ADAMTS18: variants seen among roughly 807,000 people sequenced by gnomAD.
ADAMTS18 encodes A disintegrin and metalloproteinase with thrombospondin motifs 18.
A neutral mutation model predicts 165.9 loss-of-function variants in ADAMTS18; 157 were observed. That is an observed-to-expected ratio of 0.95 (90% CI 0.83 to 1.08). The LOEUF (loss-of-function observed/expected upper bound fraction) is 1.08. ADAMTS18 is among the 50% of genes least tolerant of loss of function. ADAMTS18 has a pLI of 0.00. For synonymous variants in ADAMTS18, 782 were observed against 578.2 expected (o/e 1.35, Z -5.06); for missense variants, 2,040 against 1,534.0 (o/e 1.33, Z -5.51).
chr16:77,364,733 A>AAGG (rs2056767336), intron 4 of ADAMTS18, among the ~76,000 whole-genome samples: 1 of 130,464 alleles, frequency 7.7e-6, no homozygotes, highest in African/African-American at 3.0e-5. Context: ...AAGGAAAAAA[A>AAGG]AAGAAAGAAA....
At chr16:77,388,945 C>T (rs2057147395) in intron 3 of ADAMTS18, among the ~76,000 whole-genome samples, 1 of 152,144 alleles carries the variant, frequency 6.6e-6, no homozygotes, top group African/African-American at 2.4e-5. Flanking sequence ...AAGCTGGCAG[C>T]AGTCAACTAA....
chr16:77,337,081 C>T (rs1213458868), intron 11 of ADAMTS18, among the ~76,000 whole-genome samples: 1 of 152,234 alleles, frequency 6.6e-6, no homozygotes, highest in Non-Finnish European at 1.5e-5. Flanking sequence ...ATATTGCTTC[C>T]TTTCTTCAAA....
intron 3 of ADAMTS18, among the ~76,000 whole-genome samples, chr16:77,427,874 A>G (rs2057693018): frequency 6.6e-6 from 1 of 152,238 alleles, no homozygotes; most frequent in Non-Finnish European, 1.5e-5. Context: ...GTCTGCTAGC[A>G]AAATTTTAGC....
At chr16:77,298,482 C>T (rs2055517848) in intron 17 of ADAMTS18, among the ~76,000 whole-genome samples, 1 of 152,110 alleles carries the variant, frequency 6.6e-6, no homozygotes, top group East Asian at 1.9e-4. Context: ...GGTTTGCTTT[C>T]AGGAGGCACT....
chr16:77,357,015 G>A (rs1440187972), intron 8 of ADAMTS18, among the ~76,000 whole-genome samples: 1 of 146,502 alleles, frequency 6.8e-6, no homozygotes, highest in Non-Finnish European at 1.5e-5. Context: ...TTTTAGGGAT[G>A]CAGAGGACGG....
At chr16:77,385,384 G>C (rs1033086624) in intron 3 of ADAMTS18, among the ~76,000 whole-genome samples, 2 of 152,310 alleles carry the variant, frequency 1.3e-5, no homozygotes, top group South Asian at 2.1e-4. Flanking sequence ...AGAAGGAATA[G>C]TTGACTTGTA....
chr16:77,287,247 G>T (rs541725511), intron 22 of ADAMTS18, among the ~76,000 whole-genome samples: 1 of 152,068 alleles, frequency 6.6e-6, no homozygotes, highest in African/African-American at 2.4e-5. Context: ...GTCACCATGC[G>T]CCTCCTTACT....
chr16:77,408,501 A>G (rs2057420232), intron 3 of ADAMTS18, among the ~76,000 whole-genome samples: 1 of 152,204 alleles, frequency 6.6e-6, no homozygotes, highest in Non-Finnish European at 1.5e-5. Flanking sequence ...TCATGAGGTG[A>G]GATACTTTGA....
In ADAMTS18 at chr16:77,321,338, C is replaced by G. The variant is rs1381408202; in HGVS notation, c.2164-136G>C. 40 of 1,208,880 alleles carry G rather than the reference C, an allele frequency of 3.3e-5. No individual in the cohort carries two copies. The Admixed American group carries it at 8.3e-4, about 25-fold the overall frequency. 74.9% of individuals were successfully genotyped at this position (1,208,880 alleles called of 1,614,324 possible). On this transcript the variant is annotated intron_variant, in intron 14 of 22. Transcript: ENST00000282849. ...ACAGCTTATGGTTAAAAATCACAGC[C>G]TCAAGTTGGACTCACTTGGGGTTCA... is the stretch of plus-strand genomic sequence containing the variant.
At chr16:77,291,013 T>C in intron 21 of ADAMTS18, 1 of 440,346 alleles carries the variant, frequency 2.3e-6, no homozygotes, top group Admixed American at 4.7e-5. Context: ...TGGTAAGTGT[T>C]TTACATACAT....
chr16:77,377,870 G>C (rs1051971257), intron 3 of ADAMTS18, among the ~76,000 whole-genome samples: 6 of 152,074 alleles, frequency 3.9e-5, no homozygotes, highest in African/African-American at 1.4e-4. Flanking sequence ...TTCAGAATAA[G>C]GGAAAGACTT....
intron 22 of ADAMTS18, among the ~76,000 whole-genome samples, chr16:77,287,164 G>GTGCCTAGCAGAGTACC (rs2055269990): frequency 6.6e-6 from 1 of 152,162 alleles, no homozygotes; most frequent in African/African-American, 2.4e-5. Context: ...AACTCTCACA[G>GTGCCTAGCAGAGTACC]TGCCTAGCAG....
intron 3 of ADAMTS18, among the ~76,000 whole-genome samples, chr16:77,376,071 T>G (rs1597193234): frequency 1.3e-5 from 2 of 151,878 alleles, no homozygotes; most frequent in East Asian, 3.9e-4. Flanking sequence ...GCCCGGCTAA[T>G]TTTGTATTTT....
chr16:77,377,013 T>C lies in ADAMTS18; in HGVS notation c.496-9290A>G, dbSNP rs574283724. On this transcript the variant is annotated intron_variant, in intron 3 of 22. Coordinates refer to ENST00000282849, the MANE Select transcript of ADAMTS18 (RefSeq NM_199355.4). ...TATTTTTAGTAGAGATGAGGTTTCA[T>C]CACATTGGCCAGGCTGGTCTTGAAC... Among the ~76,000 whole-genome samples, 5 of 152,036 alleles carry C rather than the reference T, an allele frequency of 3.3e-5. No homozygotes were observed. The South Asian group carries it at 1.0e-3, about 32-fold the overall frequency.
intron 3 of ADAMTS18, among the ~76,000 whole-genome samples, chr16:77,430,694 T>C (rs560408436): frequency 4.5e-4 from 69 of 152,300 alleles, no homozygotes; most frequent in African/African-American, 1.5e-3. Context: ...GAGGATTACA[T>C]AGGGAGGAAA....
chr16:77,287,502 AG>A (rs1254244726), intron 22 of ADAMTS18, among the ~76,000 whole-genome samples: 1 of 152,010 alleles, frequency 6.6e-6, no homozygotes, highest in Non-Finnish European at 1.5e-5. Flanking sequence ...TTTTTGAGAC[AG>A]GGTCTCAAAA....
intron 17 of ADAMTS18, among the ~76,000 whole-genome samples, chr16:77,298,144 C>T (rs1252483138): frequency 6.6e-6 from 1 of 151,868 alleles, no homozygotes. Context: ...TCTTGAACTC[C>T]TGACCTCAGT....
intron 3 of ADAMTS18, among the ~76,000 whole-genome samples, chr16:77,390,429 C>T (rs537061471): frequency 6.6e-5 from 10 of 152,240 alleles, no homozygotes; most frequent in South Asian, 4.2e-4. Flanking sequence ...CGATGGCTCA[C>T]ATCTGTAATC....
intron 3 of ADAMTS18, among the ~76,000 whole-genome samples, chr16:77,379,457 T>C (rs940250821): frequency 3.3e-5 from 5 of 152,102 alleles, no homozygotes; most frequent in African/African-American, 1.2e-4. Flanking sequence ...GGACTAGAGG[T>C]GTCACCTTAT....
Sources: allele counts gnomAD v4.1 joint callset (sites outside exome capture counted in the v4.1 genomes callset), GRCh38; gene constraint gnomAD v4.1.1; transcripts MANE v1.5; gene names NCBI Gene and HGNC (gene_info 2026-07-23, HGNC 2026-07-21).